The following GRIP1 variants were observed in gnomAD, a reference collection of about 807,000 sequenced individuals.
GRIP1 encodes the protein glutamate receptor-interacting protein 1.
Under a neutral mutation model 129.9 loss-of-function variants are expected in GRIP1, and 45 were observed. The ratio of observed to expected loss-of-function variants is 0.35; its 90% CI spans 0.27 to 0.44. The LOEUF (loss-of-function observed/expected upper bound fraction) is 0.44. GRIP1 is among the 20% of genes least tolerant of loss of function. The probability of loss-of-function intolerance (pLI) is 1.00; values close to 1 mark genes in which losing one functional copy is unlikely to be tolerated. For missense variants in GRIP1, 1,196 were observed against 1,396.8 expected (o/e 0.86, Z 2.29); for synonymous variants, 530 against 520.8 (o/e 1.02, Z -0.24).
intron 11 of GRIP1, among the ~76,000 whole-genome samples, chr12:66,447,032 T>C (rs1254738534): frequency 6.6e-6 from 1 of 152,160 alleles, no homozygotes; most frequent in Non-Finnish European, 1.5e-5. Context: ...AATGAAAACA[T>C]ATAAGGGATG....
chr12:66,734,860 C>T (rs1228609308), intron 1 of GRIP1, among the ~76,000 whole-genome samples: 1 of 152,062 alleles, frequency 6.6e-6, no homozygotes, highest in East Asian at 1.9e-4. Context: ...AGAGTGGAAT[C>T]TCTTATAAAA....
At position 66,717,746 on chromosome 12, in the gene GRIP1, C is replaced by T. The variant is rs139193022; in HGVS notation, c.-420+86307G>A. Among the ~76,000 whole-genome samples, 287 of 152,142 alleles carry T rather than the reference C, an allele frequency of 1.9e-3. 1 individual carries two copies. Among genetic ancestry groups the T allele is most frequent in the African/African-American group, 6.7e-3 (277 of 41,500 alleles). ...TTTTCTTTAACTATAAATGAGATTG[C>T]ACTTCAATTCAATGTACCCAATTGA... On this transcript the variant is annotated intron_variant, in intron 1 of 4. Transcript: ENST00000538373.
intron 1 of GRIP1, among the ~76,000 whole-genome samples, chr12:66,628,041 AAGC>A (rs1380935303): frequency 2.0e-5 from 3 of 152,198 alleles, no homozygotes; most frequent in Non-Finnish European, 4.4e-5. Flanking sequence ...ACGATGACAG[AAGC>A]ACTAACAAAC....
intron 7 of GRIP1, among the ~76,000 whole-genome samples, chr12:66,512,281 C>T (rs138941691): frequency 6.6e-5 from 10 of 152,062 alleles, no homozygotes; most frequent in East Asian, 5.8e-4. Flanking sequence ...CTTTGGAACT[C>T]GATAACAGGC....
chr12:66,658,831 G>A (rs1177959202), intron 1 of GRIP1, among the ~76,000 whole-genome samples: 1 of 151,888 alleles, frequency 6.6e-6, no homozygotes, highest in Non-Finnish European at 1.5e-5. Flanking sequence ...GGCTGAGGGG[G>A]GAAGATTGCT....
At chr12:67,049,718 T>C (rs2043310512) in intron 1 of GRIP1, among the ~76,000 whole-genome samples, 1 of 148,254 alleles carries the variant, frequency 6.7e-6, no homozygotes, top group Non-Finnish European at 1.5e-5. Flanking sequence ...TCCCAGAACT[T>C]AAAGTACAAT....
At chr12:66,366,810 A>T (rs542136228) in intron 23 of GRIP1, among the ~76,000 whole-genome samples, 1 of 152,138 alleles carries the variant, frequency 6.6e-6, no homozygotes, top group South Asian at 2.1e-4. Flanking sequence ...CAGCCTCTTC[A>T]GTAGTTTAGA....
At chr12:66,859,278 AAAAAACAAAAAAACAAAAAAAC>A (rs1566054596) in intron 1 of GRIP1, among the ~76,000 whole-genome samples, 2 of 12,536 alleles carry the variant, frequency 1.6e-4, no homozygotes, top group African/African-American at 1.3e-4. Context: ...CAAAAAAACA[AAAAAACAAAAAAACAAAAAAAC>A]AAAAAAAAAC....
intron 1 of GRIP1, among the ~76,000 whole-genome samples, chr12:66,855,478 C>T (rs181567203): frequency 1.6e-4 from 25 of 151,936 alleles, no homozygotes; most frequent in African/African-American, 5.8e-4. Context: ...GACTTGGGGC[C>T]CTTGCATCCA....
intron 1 of GRIP1, among the ~76,000 whole-genome samples, chr12:66,979,800 A>G (rs998928653): frequency 6.6e-6 from 1 of 152,188 alleles, no homozygotes; most frequent in Non-Finnish European, 1.5e-5. Flanking sequence ...GAGAGGCAGA[A>G]ACTGCAGTGA....
chr12:67,028,272 G>A (rs1355826735), intron 1 of GRIP1, among the ~76,000 whole-genome samples: 1 of 152,190 alleles, frequency 6.6e-6, no homozygotes, highest in Non-Finnish European at 1.5e-5. Flanking sequence ...GGAATTTGGG[G>A]AGAACTGGGG....
At chr12:66,851,192 G>GT (rs1185018436) in intron 1 of GRIP1, among the ~76,000 whole-genome samples, 1 of 151,780 alleles carries the variant, frequency 6.6e-6, no homozygotes, top group Admixed American at 6.6e-5. Flanking sequence ...TAATATGTTA[G>GT]TAAGCATTAG....
At chr12:66,378,071 C>T (rs561133864) in intron 20 of GRIP1, among the ~76,000 whole-genome samples, 3 of 151,158 alleles carry the variant, frequency 2.0e-5, no homozygotes, top group African/African-American at 4.9e-5. Context: ...GTAAAATATA[C>T]TTTGCTGAAA....
chr12:66,605,060 T>C (rs1292222841), intron 1 of GRIP1, among the ~76,000 whole-genome samples: 3 of 136,928 alleles, frequency 2.2e-5, no homozygotes, highest in Non-Finnish European at 3.1e-5. Flanking sequence ...CTTATATATA[T>C]ATATACATAT....
intron 2 of GRIP1, among the ~76,000 whole-genome samples, chr12:66,579,651 G>A (rs2063292241): frequency 6.6e-6 from 1 of 152,160 alleles, no homozygotes; most frequent in Non-Finnish European, 1.5e-5. Context: ...GGAAGAAAGG[G>A]TATCAGCAAT....
intron 1 of GRIP1, among the ~76,000 whole-genome samples, chr12:66,607,910 G>A (rs1592639885): frequency 6.6e-6 from 1 of 152,156 alleles, no homozygotes; most frequent in African/African-American, 2.4e-5. Flanking sequence ...CTTTTTTATA[G>A]ACTTTAGTTT....
At chr12:66,945,549 A>C (rs528493906) in intron 1 of GRIP1, among the ~76,000 whole-genome samples, 1 of 152,152 alleles carries the variant, frequency 6.6e-6, no homozygotes, top group Admixed American at 6.5e-5. Context: ...CAAAGGCAAA[A>C]GCAGAAGCAA....
At chr12:66,880,383 C>T (rs1255681820) in intron 1 of GRIP1, among the ~76,000 whole-genome samples, 1 of 152,062 alleles carries the variant, frequency 6.6e-6, no homozygotes, top group Non-Finnish European at 1.5e-5. Flanking sequence ...AAAAGAAATA[C>T]ACCATGCTAA....
intron 23 of GRIP1, among the ~76,000 whole-genome samples, chr12:66,366,284 C>T (rs1460878419): frequency 2.0e-5 from 3 of 152,208 alleles, no homozygotes; most frequent in African/African-American, 7.2e-5. Flanking sequence ...CCTCCGAGGG[C>T]TGAGCCTGTT....
Sources: gnomAD v4.1 joint callset for allele counts (sites outside exome capture counted in the v4.1 genomes callset) on GRCh38, gnomAD v4.1.1 for gene constraint, MANE v1.5 for transcripts, NCBI Gene and HGNC (gene_info 2026-07-23, HGNC 2026-07-21) for gene names.